The following PTPRM variants were observed in gnomAD, a reference collection of about 807,000 sequenced individuals.
PTPRM encodes protein tyrosine phosphatase receptor type M.
PTPRM carries 47 observed loss-of-function variants against 186.7 expected under a neutral mutation model. The observed-to-expected ratio is 0.25, with a 90% CI of 0.20 to 0.32. The LOEUF (loss-of-function observed/expected upper bound fraction) is 0.32. Among genes scored for constraint, PTPRM ranks in the 10% least tolerant of loss-of-function variants. PTPRM has a pLI of 1.00. For missense variants in PTPRM, 1,494 were observed against 1,865.0 expected (o/e 0.80, Z 3.66); for synonymous variants, 668 against 674.9 (o/e 0.99, Z 0.16).
chr18:8,185,882 C>T (rs1308562699), intron 14 of PTPRM, among the ~76,000 whole-genome samples: 1 of 152,162 alleles, frequency 6.6e-6, no homozygotes, highest in Admixed American at 6.5e-5. Context: ...TGAAATGTGT[C>T]TCCCAATGTT....
At chr18:8,320,324 A>G (rs2095337905) in intron 22 of PTPRM, among the ~76,000 whole-genome samples, 1 of 152,082 alleles carries the variant, frequency 6.6e-6, no homozygotes, top group Non-Finnish European at 1.5e-5. Context: ...CCGTGAGGAG[A>G]GGGAAGGAGT....
chr18:7,820,009 TCACCAACCCCTGTTTGTGAAGTG>T (rs982060758), intron 2 of PTPRM, among the ~76,000 whole-genome samples: 4 of 152,214 alleles, frequency 2.6e-5, no homozygotes, highest in Admixed American at 2.6e-4. Context: ...ATTTGTGAAG[TCACCAACCCCTGTTTGTGAAGTG>T]CGTTGCTAAT....
At chr18:7,698,525 A>G (rs2039891852) in intron 1 of PTPRM, among the ~76,000 whole-genome samples, 1 of 152,258 alleles carries the variant, frequency 6.6e-6, no homozygotes, top group Non-Finnish European at 1.5e-5. Context: ...CTCATTAAGT[A>G]CAAAATATTT....
chr18:8,125,543 A>T (rs537372550), intron 13 of PTPRM, among the ~76,000 whole-genome samples: 6 of 152,116 alleles, frequency 3.9e-5, no homozygotes, highest in South Asian at 4.2e-4. Context: ...TCATTTTTTT[A>T]AAAAAAATTC....
intron 2 of PTPRM, among the ~76,000 whole-genome samples, chr18:7,788,414 T>G (rs545372738): frequency 9.4e-4 from 143 of 152,298 alleles, no homozygotes; most frequent in African/African-American, 3.2e-3. Flanking sequence ...ATGAGTAGTA[T>G]TCATATACTT....
At chr18:8,235,524 T>G (rs1399909020) in intron 14 of PTPRM, among the ~76,000 whole-genome samples, 1 of 150,992 alleles carries the variant, frequency 6.6e-6, no homozygotes, top group African/African-American at 2.4e-5. Flanking sequence ...TTTCAACCAG[T>G]TTTTAGTTTT....
chr18:8,021,113 C>A (rs1453388714), intron 7 of PTPRM, among the ~76,000 whole-genome samples: 3 of 152,072 alleles, frequency 2.0e-5, no homozygotes, highest in Non-Finnish European at 2.9e-5. Flanking sequence ...AGTAGCAGTA[C>A]CTGTTGACTG....
intron 14 of PTPRM, among the ~76,000 whole-genome samples, chr18:8,225,382 G>C (rs978439350): frequency 4.7e-5 from 6 of 126,818 alleles, no homozygotes; most frequent in African/African-American, 1.6e-4. Flanking sequence ...CATTCAAGTT[G>C]TCTCTTGTAT....
chr18:8,137,793 G>T (rs114579930), intron 13 of PTPRM, among the ~76,000 whole-genome samples: 1 of 152,030 alleles, frequency 6.6e-6, no homozygotes, highest in East Asian at 1.9e-4. Flanking sequence ...AAGCCTTCCC[G>T]GTCCTTCCAG....
intron 14 of PTPRM, among the ~76,000 whole-genome samples, chr18:8,212,451 ACAC>A (rs1274233485): frequency 6.6e-6 from 1 of 152,050 alleles, no homozygotes; most frequent in Non-Finnish European, 1.5e-5. Flanking sequence ...GTGTGTATAC[ACAC>A]ACACACGAGA....
chr18:8,186,842 T>C (rs978533816), intron 14 of PTPRM, among the ~76,000 whole-genome samples: 3 of 152,154 alleles, frequency 2.0e-5, no homozygotes, highest in Non-Finnish European at 2.9e-5. Flanking sequence ...ACAAATGCAC[T>C]GTGACACAGG....
intron 2 of PTPRM, among the ~76,000 whole-genome samples, chr18:7,863,662 G>A (rs985954111): frequency 1.3e-5 from 2 of 152,098 alleles, no homozygotes; most frequent in Admixed American, 6.5e-5. Context: ...ATAAACATAC[G>A]TGTGCATGTG....
intron 2 of PTPRM, among the ~76,000 whole-genome samples, chr18:7,779,521 A>G (rs572915899): frequency 2.0e-5 from 3 of 152,352 alleles, no homozygotes; most frequent in East Asian, 3.9e-4. Flanking sequence ...TCAATTTCAC[A>G]TTTGGGAAGG....
In PTPRM at chr18:8,100,130, T is replaced by TTGTG. The variant is rs141633477; in HGVS notation, c.1856+11295_1856+11298dup. ...GAGTGAGGAGGGAGATGCCACACAC[T>TTGTG]TGTGTGTGTGTGTGTGTGTATGTGT... On this transcript the variant is annotated intron_variant, in intron 11 of 32. Coordinates refer to ENST00000580170, the MANE Select transcript of PTPRM (RefSeq NM_001105244.2). 1.9e-3 allele frequency among the ~76,000 whole-genome samples: 282 copies of TTGTG among 149,366 alleles called. 2 individuals are homozygous for TTGTG. The highest frequency in any genetic ancestry group is 5.9e-3 in the African/African-American group (241 of 40,860).
chr18:8,212,771 G>A (rs574065180), intron 14 of PTPRM, among the ~76,000 whole-genome samples: 12 of 152,298 alleles, frequency 7.9e-5, no homozygotes, highest in Admixed American at 2.6e-4. Flanking sequence ...TGACCTCTGC[G>A]CTCTAGCCTG....
chr18:7,659,050 T>G (rs973766406), intron 1 of PTPRM, among the ~76,000 whole-genome samples: 1 of 151,964 alleles, frequency 6.6e-6, no homozygotes, highest in African/African-American at 2.4e-5. Flanking sequence ...AAATTGTCCC[T>G]GGTTGCTAAT....
chr18:7,639,311 C>T (rs930620114), intron 1 of PTPRM, among the ~76,000 whole-genome samples: 6 of 151,778 alleles, frequency 4.0e-5, no homozygotes, highest in African/African-American at 1.5e-4. Context: ...ACCTCGTGAT[C>T]CGCCTGCCTT....
chr18:7,876,819 C>T (rs934077014), intron 2 of PTPRM, among the ~76,000 whole-genome samples: 14 of 152,030 alleles, frequency 9.2e-5, no homozygotes, highest in African/African-American at 3.4e-4. Context: ...AATGTGCTGC[C>T]CCTTAAACTG....
chr18:8,125,542 TA>T (rs1232494812), intron 13 of PTPRM, among the ~76,000 whole-genome samples: 3 of 152,040 alleles, frequency 2.0e-5, no homozygotes, highest in East Asian at 1.9e-4. Flanking sequence ...TTCATTTTTT[TA>T]AAAAAAATTC....
Sources: allele counts gnomAD v4.1 joint callset (sites outside exome capture counted in the v4.1 genomes callset), GRCh38; gene constraint gnomAD v4.1.1; transcripts MANE v1.5; gene names NCBI Gene and HGNC (gene_info 2026-07-23, HGNC 2026-07-21).